NEMP2: variants seen among roughly 807,000 people sequenced by gnomAD.
The protein encoded by NEMP2 is nuclear envelope integral membrane protein 2.
Under a neutral mutation model 54.2 loss-of-function variants are expected in NEMP2, and 53 were observed. That is an observed-to-expected ratio of 0.98 (90% CI 0.78 to 1.23). NEMP2 has a LOEUF of 1.23. NEMP2 is among the 50% of genes most tolerant of loss of function. NEMP2 has a pLI of 0.00. For missense variants in NEMP2, 455 were observed against 511.3 expected (o/e 0.89, Z 1.06); for synonymous variants, 197 against 190.3 (o/e 1.04, Z -0.29).
the NEMP2 span, among the ~76,000 whole-genome samples, chr2:190,427,146 G>C: frequency 6.6e-6 from 1 of 152,230 alleles, no homozygotes; most frequent in African/African-American, 2.4e-5. Context: ...GTGGGGAAAG[G>C]TAAGGGTGCC....
At position 190,509,255 on chromosome 2, in the gene NEMP2, A is replaced by C; in HGVS notation, c.1188T>G (p.His396Gln). 1 of 1,551,758 alleles carries C rather than the reference A, an allele frequency of 6.4e-7. No homozygotes were observed. Among genetic ancestry groups the C allele is most frequent in the Non-Finnish European group, 8.7e-7 (1 of 1,147,012 alleles). Residue 396 changes from histidine (H) to glutamine (Q), a missense_variant, in exon 9 of 9, where the codon CAT (histidine) becomes CAG (glutamine). Physicochemically the swap from His to Gln is conservative, Grantham distance 24 (BLOSUM62 0). Transcript: ENST00000409150. This position sits in a 1 kb window ranked among gnomAD's most constrained non-coding sequence, Gnocchi z 6.1. ...SHLSPEEISL[H>Q]EEQYGLGGAF... Reference sequence around the variant, plus strand: ...CACCCCCAAGGCCATACTGCTCTTCATGCAGACTGATTTCTTCAGGTGACA... The same window carrying C: ...CACCCCCAAGGCCATACTGCTCTTCCTGCAGACTGATTTCTTCAGGTGACA...
the NEMP2 span, among the ~76,000 whole-genome samples, chr2:190,482,584 G>T: frequency 0.3 from 45,275 of 151,770 alleles, 7,492 homozygotes; most frequent in East Asian, 0.46. Context: ...TACTGTGTCA[G>T]TTCTCACTCC....
At chr2:190,469,313 A>T in the NEMP2 span, among the ~76,000 whole-genome samples, 1 of 152,268 alleles carries the variant, frequency 6.6e-6, no homozygotes, top group African/African-American at 2.4e-5. The surrounding 1 kb of genome is among the most constrained non-coding windows in gnomAD (Gnocchi z 5.3). Context: ...TCGTGTTTAC[A>T]TATTCTCATT....
the NEMP2 span, chr2:190,620,319 T>A: frequency 1.3e-5 from 2 of 152,110 alleles, no homozygotes; most frequent in East Asian, 3.9e-4. This position sits in a 1 kb window ranked among gnomAD's most constrained non-coding sequence, Gnocchi z 4.9. Context: ...CCTACCCCAA[T>A]CAGTTGTTTG....
the NEMP2 span, among the ~76,000 whole-genome samples, chr2:190,483,082 C>T: frequency 4.7e-5 from 7 of 149,830 alleles, no homozygotes; most frequent in African/African-American, 1.7e-4. Flanking sequence ...TTAGTAGAGA[C>T]GGGGTTTCAC....
chr2:190,490,039 C>T, the NEMP2 span, among the ~76,000 whole-genome samples: 1 of 152,054 alleles, frequency 6.6e-6, no homozygotes, highest in Admixed American at 6.6e-5. This position sits in a 1 kb window ranked among gnomAD's most constrained non-coding sequence, Gnocchi z 4.5. Context: ...GATCCACCTA[C>T]TATGCAGAAA....
chr2:190,596,862 C>T, the NEMP2 span, among the ~76,000 whole-genome samples: 1 of 152,008 alleles, frequency 6.6e-6, no homozygotes, highest in Non-Finnish European at 1.5e-5. This position sits in a 1 kb window ranked among gnomAD's most constrained non-coding sequence, Gnocchi z 5.1. Flanking sequence ...TTTATACATC[C>T]CAACATACTC....
Position 190,525,306 on chromosome 2 carries a change from T to C in NEMP2, c.170A>G (p.Gln57Arg). ...TSESDCYCYN[Q>R]NSQVEWKYIW... ...GTATTTCCACTCCACTTGGGAATTT[T>C]GATTGTAGCAGTAACAGTCTGACTC... is the stretch of plus-strand genomic sequence containing the variant. Residue 57 changes from glutamine (Q) to arginine (R), a missense_variant, in exon 2 of 9, where the codon CAA (glutamine) becomes CGA (arginine). Coordinates refer to ENST00000409150, the MANE Select transcript of NEMP2 (RefSeq NM_001142645.2). The surrounding 1 kb of genome is among the most constrained non-coding windows in gnomAD (Gnocchi z 5.0). The C allele has an allele frequency of 6.4e-7, 1 of 1,550,928 alleles. No homozygotes were observed. The highest frequency in any genetic ancestry group is 1.2e-5 in the South Asian group (1 of 83,896).
At chr2:190,454,073 T>C in the NEMP2 span, 1 of 152,222 alleles carries the variant, frequency 6.6e-6, no homozygotes, top group African/African-American at 2.4e-5. This position sits in a 1 kb window ranked among gnomAD's most constrained non-coding sequence, Gnocchi z 4.6. Flanking sequence ...AGTAAAATTA[T>C]TGTAGGCCTC....
chr2:190,608,781 A>T, the NEMP2 span: 1 of 152,244 alleles, frequency 6.6e-6, no homozygotes. The surrounding 1 kb of genome is among the most constrained non-coding windows in gnomAD (Gnocchi z 4.9). Context: ...ATTTTGAAGG[A>T]GCGAGAGAGA....
intron 1 of NEMP2, 64 bp downstream of exon 1, chr2:190,534,495 G>A: frequency 7.5e-7 from 1 of 1,329,618 alleles, no homozygotes; most frequent in Non-Finnish European, 9.6e-7. Flanking sequence ...CGCGCCCTCA[G>A]GGCAGCCGCG....
At chr2:190,593,634 G>A in the NEMP2 span, among the ~76,000 whole-genome samples, 6 of 152,258 alleles carry the variant, frequency 3.9e-5, no homozygotes, top group Non-Finnish European at 8.8e-5. This position sits in a 1 kb window ranked among gnomAD's most constrained non-coding sequence, Gnocchi z 4.5. Flanking sequence ...CTAGAACTCA[G>A]AGAGTTCTAG....
At chr2:190,624,102 G>C in the NEMP2 span, among the ~76,000 whole-genome samples, 1 of 152,124 alleles carries the variant, frequency 6.6e-6, no homozygotes, top group Admixed American at 6.5e-5. Context: ...GAGCAACATA[G>C]TGAGACCCTA....
chr2:190,474,430 A>G, the NEMP2 span, among the ~76,000 whole-genome samples: 2 of 152,258 alleles, frequency 1.3e-5, no homozygotes, highest in African/African-American at 4.8e-5. Flanking sequence ...AGAGAATACT[A>G]TAAACACCTC....
chr2:190,608,954 A>G, the NEMP2 span: 1 of 152,198 alleles, frequency 6.6e-6, no homozygotes, highest in African/African-American at 2.4e-5. The surrounding 1 kb of genome is among the most constrained non-coding windows in gnomAD (Gnocchi z 4.9). Flanking sequence ...TTTAGGCTCC[A>G]CTGAAGTTCT....
chr2:190,451,592 G>T, the NEMP2 span, among the ~76,000 whole-genome samples: 3 of 152,232 alleles, frequency 2.0e-5, no homozygotes, highest in Non-Finnish European at 2.9e-5. The surrounding 1 kb of genome is among the most constrained non-coding windows in gnomAD (Gnocchi z 5.0). Context: ...ACAGAGTGAA[G>T]GGTCCTAAGA....
At chr2:190,645,606 T>A in the NEMP2 span, among the ~76,000 whole-genome samples, 2 of 152,256 alleles carry the variant, frequency 1.3e-5, no homozygotes, top group African/African-American at 2.4e-5. Flanking sequence ...AGCAAATATT[T>A]ATTAAGTGAC....
the NEMP2 span, chr2:190,488,701 A>G: frequency 2.1e-5 from 33 of 1,601,286 alleles, no homozygotes; most frequent in Non-Finnish European, 2.8e-5. This position sits in a 1 kb window ranked among gnomAD's most constrained non-coding sequence, Gnocchi z 6.4. Flanking sequence ...TTCTTACCTC[A>G]GTGCAGCCGT....
the NEMP2 span, among the ~76,000 whole-genome samples, chr2:190,449,781 G>A: frequency 2.0e-5 from 3 of 151,664 alleles, no homozygotes; most frequent in Non-Finnish European, 4.4e-5. Flanking sequence ...ACCAAACACC[G>A]CATATTCTCA....
Sources: allele counts gnomAD v4.1 joint callset (sites outside exome capture counted in the v4.1 genomes callset), GRCh38; gene constraint gnomAD v4.1.1; non-coding constraint Gnocchi (gnomAD v3.1); transcripts MANE v1.5; gene names NCBI Gene and HGNC (gene_info 2026-07-23, HGNC 2026-07-21).